The following PTPRN2 variants were observed in gnomAD, a reference collection of about 807,000 sequenced individuals.
The protein encoded by PTPRN2 is receptor-type tyrosine-protein phosphatase N2.
A neutral mutation model predicts 118.8 loss-of-function variants in PTPRN2; 74 were observed. The observed-to-expected ratio is 0.62, with a 90% CI of 0.52 to 0.76. The LOEUF is 0.76. Ranked by LOEUF, PTPRN2 falls within the 30% of genes least tolerant of loss-of-function variation. The pLI is 0.00. For missense variants in PTPRN2, 1,481 were observed against 1,394.4 expected (o/e 1.06, Z -0.99); for synonymous variants, 641 against 608.0 (o/e 1.05, Z -0.80).
At position 158,219,956 on chromosome 7, in the gene PTPRN2, G is replaced by A. The variant is rs1295161449; in HGVS notation, c.278-14683C>T. Among the ~76,000 whole-genome samples the A allele has an allele frequency of 2.6e-5, 4 of 151,478 alleles. No individual in the cohort carries two copies. The South Asian group carries it at 6.2e-4, about 24-fold the overall frequency. On this transcript the variant is annotated intron_variant, in intron 3 of 22. Coordinates refer to ENST00000389418, the MANE Select transcript of PTPRN2 (RefSeq NM_002847.5). Reference sequence around the variant, plus strand: ...TGAATTCTACCAGACATAGAAAGCAGAGCTAGTAACAATCCTACTAAAATT... The same window carrying A: ...TGAATTCTACCAGACATAGAAAGCAAAGCTAGTAACAATCCTACTAAAATT...
intron 11 of PTPRN2, among the ~76,000 whole-genome samples, chr7:158,071,550 CTG>C (rs1811676700): frequency 3.0e-5 from 1 of 33,130 alleles, no homozygotes. Context: ...GGAGGTGCTC[CTG>C]GTGGTGGAGG....
intron 12 of PTPRN2, among the ~76,000 whole-genome samples, chr7:157,768,070 C>T (rs1161913819): frequency 6.6e-6 from 1 of 152,116 alleles, no homozygotes; most frequent in Non-Finnish European, 1.5e-5. Flanking sequence ...ATCTTCCAAA[C>T]GGTAAAAACA....
intron 11 of PTPRN2, among the ~76,000 whole-genome samples, chr7:157,994,026 A>G (rs931726601): frequency 4.6e-5 from 7 of 152,218 alleles, no homozygotes; most frequent in African/African-American, 1.7e-4. Context: ...TGTGGCTTGA[A>G]TAATTTATCG....
chr7:158,072,151 C>T (rs1284164488), intron 11 of PTPRN2, among the ~76,000 whole-genome samples: 1 of 124,508 alleles, frequency 8.0e-6, no homozygotes, highest in East Asian at 2.1e-4. Context: ...AAATGCCATT[C>T]AGTTGAACCT....
intron 3 of PTPRN2, among the ~76,000 whole-genome samples, chr7:158,270,836 C>CT (rs1563067841): frequency 2.5e-5 from 1 of 40,338 alleles, no homozygotes. Context: ...ACCTGGATGA[C>CT]CCCCTCACCT....
In PTPRN2 at chr7:157,729,532, G is replaced by A. The variant is rs182052243; in HGVS notation, c.1789-46595C>T. On this transcript the variant is annotated intron_variant, in intron 12 of 22. Transcript: ENST00000389418. This position sits in a 1 kb window ranked among gnomAD's most constrained non-coding sequence, Gnocchi z 4.3. ...GGTGGGCACTGTGCTGGTGCTGTCC[G>A]AGTGGAGCCTCTGGTGAGCCGGACA... 2.6e-5 allele frequency among the ~76,000 whole-genome samples: 4 copies of A among 152,358 alleles called. No individual in the cohort carries two copies. The highest frequency in any genetic ancestry group is 1.9e-4 in the East Asian group (1 of 5,188).
intron 3 of PTPRN2, among the ~76,000 whole-genome samples, chr7:158,268,923 C>A (rs1363581330): frequency 6.6e-6 from 1 of 150,980 alleles, no homozygotes; most frequent in African/African-American, 2.4e-5. Context: ...ATCCCAGCCG[C>A]GTGCACACAG....
chr7:157,790,110 G>T (rs1483829783), intron 12 of PTPRN2, among the ~76,000 whole-genome samples: 3 of 134,550 alleles, frequency 2.2e-5, no homozygotes, highest in African/African-American at 8.5e-5. Context: ...ATGTGTGTAT[G>T]GTGGTGTGTG....
At position 157,720,890 on chromosome 7, in the gene PTPRN2, G is replaced by A. The variant is rs889557823; in HGVS notation, c.1789-37953C>T. 5.3e-5 allele frequency among the ~76,000 whole-genome samples: 8 copies of A among 152,302 alleles called. No individual in the cohort carries two copies. The South Asian group carries it at 6.2e-4, about 12-fold the overall frequency. On this transcript the variant is annotated intron_variant, in intron 12 of 22. Transcript: ENST00000389418. ...CTCTAGCTCTCCTAAAACACGGGAC[G>A]CAGGAGTGTTTCTTAAGTGTGACAA...
In PTPRN2 at chr7:158,526,210, G is replaced by A. The variant is rs2129448397; in HGVS notation, c.113-36425C>T. On this transcript the variant is annotated intron_variant, in intron 1 of 22. Transcript: ENST00000389418. The surrounding 1 kb of genome is among the most constrained non-coding windows in gnomAD (Gnocchi z 5.2). ...TGGCAGGGTGCCGGCGGAATCCAGG[G>A]CAGGATTCACTTGTGTGGCGAAGGG... 6.6e-6 allele frequency among the ~76,000 whole-genome samples: 1 copy of A among 152,318 alleles called. No individual in the cohort carries two copies. Among genetic ancestry groups the A allele is most frequent in the East Asian group, 1.9e-4 (1 of 5,168 alleles).
At chr7:157,648,557 C>T (rs373830886) in intron 14 of PTPRN2, among the ~76,000 whole-genome samples, 6 of 129,164 alleles carry the variant, frequency 4.6e-5, no homozygotes, top group Admixed American at 2.4e-4. Flanking sequence ...GCACTGAACT[C>T]GGTGGGTCAG....
chr7:158,333,342 G>C (rs1232330240), intron 2 of PTPRN2, among the ~76,000 whole-genome samples: 23 of 125,376 alleles, frequency 1.8e-4, no homozygotes, highest in Admixed American at 3.1e-4. Context: ...ACCATAAGAG[G>C]TGACACCTGC....
At chr7:157,815,586 G>A (rs1033195995) in intron 12 of PTPRN2, among the ~76,000 whole-genome samples, 6 of 152,202 alleles carry the variant, frequency 3.9e-5, no homozygotes, top group South Asian at 2.1e-4. Flanking sequence ...TTTAGATGAC[G>A]TCATGGGAGT....
intron 6 of PTPRN2, among the ~76,000 whole-genome samples, chr7:158,165,880 G>A (rs368998547): frequency 7.9e-5 from 12 of 152,142 alleles, no homozygotes; most frequent in East Asian, 1.9e-4. Flanking sequence ...CGGAAGCCAC[G>A]GTCTTGGCAG....
chr7:157,769,811 C>T (rs900819583), intron 12 of PTPRN2, among the ~76,000 whole-genome samples: 1 of 152,230 alleles, frequency 6.6e-6, no homozygotes, highest in African/African-American at 2.4e-5. Flanking sequence ...AAAACACTAT[C>T]CCAGGCGCTC....
intron 11 of PTPRN2, among the ~76,000 whole-genome samples, chr7:158,043,615 C>G (rs1208960365): frequency 6.6e-6 from 1 of 152,232 alleles, no homozygotes; most frequent in South Asian, 2.1e-4. Flanking sequence ...AGGAGAAGGG[C>G]CTGACCTCAC....
At chr7:157,660,669 T>C (rs989269179) in intron 13 of PTPRN2, among the ~76,000 whole-genome samples, 4 of 152,198 alleles carry the variant, frequency 2.6e-5, no homozygotes, top group African/African-American at 7.2e-5. Context: ...TATTAGTGAA[T>C]AGAAGTTAGG....
intron 19 of PTPRN2, among the ~76,000 whole-genome samples, chr7:157,576,086 G>A (rs1032159147): frequency 6.6e-6 from 1 of 152,098 alleles, no homozygotes; most frequent in Non-Finnish European, 1.5e-5. Flanking sequence ...CAACGTATTG[G>A]GTGACTGGCT....
At position 157,784,701 on chromosome 7, in the gene PTPRN2, G is replaced by T. The variant is rs1273970606; in HGVS notation, c.1789-101764C>A. ...GCTGATCCCGTATGAAACGGGCAGG[G>T]GCTGAGCTGATCCCGTGGCAGTGCA... On this transcript the variant is annotated intron_variant, in intron 12 of 22. Coordinates refer to ENST00000389418, the MANE Select transcript of PTPRN2 (RefSeq NM_002847.5). This position sits in a 1 kb window ranked among gnomAD's most constrained non-coding sequence, Gnocchi z 4.6. Among the ~76,000 whole-genome samples the T allele has an allele frequency of 6.6e-6, 1 of 151,694 alleles. No individual in the cohort carries two copies. The highest frequency in any genetic ancestry group is 2.4e-5 in the African/African-American group (1 of 41,318).
Sources: gnomAD v4.1 joint callset for allele counts (sites outside exome capture counted in the v4.1 genomes callset) on GRCh38, gnomAD v4.1.1 for gene constraint, Gnocchi (gnomAD v3.1) non-coding constraint, MANE v1.5 for transcripts, NCBI Gene and HGNC (gene_info 2026-07-23, HGNC 2026-07-21) for gene names.